The following SCN11A variants were observed in gnomAD, a reference collection of about 807,000 sequenced individuals.
SCN11A encodes the protein sodium channel protein type 11 subunit alpha.
A neutral mutation model predicts 162.2 loss-of-function variants in SCN11A; 122 were observed. The observed-to-expected ratio is 0.75, with a 90% CI of 0.65 to 0.87. The LOEUF (loss-of-function observed/expected upper bound fraction) is 0.87. Ranked by LOEUF, SCN11A falls within the 40% of genes least tolerant of loss-of-function variation. SCN11A has a pLI of 0.00. For missense variants in SCN11A, 2,015 were observed against 2,181.6 expected (o/e 0.92, Z 1.52); for synonymous variants, 758 against 751.5 (o/e 1.01, Z -0.14).
In SCN11A at chr3:38,909,995, T is replaced by A. The variant is rs1437256716; in HGVS notation, c.1101+71A>T. On this transcript the variant is annotated intron_variant, in intron 12 of 29. Coordinates refer to ENST00000302328, the MANE Select transcript of SCN11A (RefSeq NM_001349253.2). ...TATAAATAAATGGTAAATAAATAGG[T>A]AAGTGATAGAGGGGGAAGGAAAAGG... 8 of 1,401,764 alleles carry A rather than the reference T, an allele frequency of 5.7e-6. No homozygotes were observed. The African/African-American group carries it at 1.2e-4, about 21-fold the overall frequency. The allele number at this position is 1,401,764 out of a possible 1,614,324, so 86.8% of individuals were successfully genotyped here.
intron 12 of SCN11A, 39 bp from the exon 13 acceptor site, chr3:38,909,233 C>A (rs757082614): frequency 1.1e-5 from 18 of 1,600,542 alleles, no homozygotes. Context: ...ATCAAACCTT[C>A]TTCCACAGGA....
rs2031489777 is a variant in SCN11A at position 39,022,963 on chromosome 3, A to G, written c.-280+9417T>C. ...CAACAATTGGAAACTTTAACACTAA[A>G]TTTTCGATGAAGTTAAGGAATTACT... is the stretch of plus-strand genomic sequence containing the variant. On this transcript the variant is annotated intron_variant, in intron 2 of 29. Transcript: ENST00000302328. 1.3e-5 allele frequency among the ~76,000 whole-genome samples: 2 copies of G among 152,168 alleles called. 1 individual carries two copies. The highest frequency in any genetic ancestry group is 4.8e-5 in the African/African-American group (2 of 41,434).
chr3:38,950,055 A>ACACCCC, intron 5 of SCN11A, 41 bp downstream of exon 5: 1 of 297,562 alleles, frequency 3.4e-6, no homozygotes, highest in Non-Finnish European at 6.1e-6. Context: ...CATGGTTAGA[A>ACACCCC]CACCCCCACC....
In SCN11A at chr3:38,886,831, G is replaced by A. The variant is rs143428409; in HGVS notation, c.2836-593C>T. 2.6e-5 allele frequency among the ~76,000 whole-genome samples: 4 copies of A among 152,214 alleles called. No homozygotes were observed. In the East Asian group the frequency reaches 7.7e-4, roughly 29 times the overall value. On this transcript the variant is annotated intron_variant, in intron 19 of 29. Transcript: ENST00000302328. Reference sequence around the variant, plus strand: ...AACTGAAAAATAAATTTGTTCTGATGACCTACAGGAATATCTAATAAGGAT... The same window carrying A: ...AACTGAAAAATAAATTTGTTCTGATAACCTACAGGAATATCTAATAAGGAT...
chr3:38,894,391 G>C (rs773410661), intron 19 of SCN11A, 142 bp downstream of exon 19: 73 of 707,844 alleles, frequency 1.0e-4, no homozygotes, highest in Non-Finnish European at 1.7e-4. Flanking sequence ...CCTGTCCTGA[G>C]ATGTGCACAT....
rs778803012 is a variant in SCN11A at position 38,950,151 on chromosome 3, C to T, written c.212G>A (p.Arg71His). 1.9e-6 allele frequency: 3 copies of T among 1,605,986 alleles called. No individual in the cohort carries two copies. Among genetic ancestry groups the T allele is most frequent in the Non-Finnish European group, 2.5e-6 (3 of 1,177,688 alleles). The part of the protein sequence containing the change: ...KLPKLYGDIP[R>H]ELIGKPLEDL... ...TTCCAGAGGCTTTCCTATGAGCTCA[C>T]GAGGAATGTCGCCATAGAGCTTGGG... The change falls in exon 5 of 30, where the codon CGT becomes CAT. Residue 71 changes from arginine (R) to histidine (H), a missense_variant. Arg to His is a conservative substitution (Grantham distance 29). Coordinates refer to ENST00000302328, the MANE Select transcript of SCN11A (RefSeq NM_001349253.2).
At chr3:38,914,601 C>G (rs1175818577) in intron 11 of SCN11A, among the ~76,000 whole-genome samples, 1 of 152,116 alleles carries the variant, frequency 6.6e-6, no homozygotes, top group African/African-American at 2.4e-5. Context: ...TTTCCCCATT[C>G]AGTATGATGT....
intron 2 of SCN11A, among the ~76,000 whole-genome samples, chr3:38,973,524 T>C (rs2066830116): frequency 6.6e-6 from 1 of 152,198 alleles, no homozygotes; most frequent in Non-Finnish European, 1.5e-5. Context: ...AAGAAGAGCC[T>C]AGAATGACAG....
chr3:38,927,711 G>A (rs1399439936), intron 7 of SCN11A, among the ~76,000 whole-genome samples: 1 of 152,202 alleles, frequency 6.6e-6, no homozygotes, highest in East Asian at 1.9e-4. Context: ...ACGGCAGCAG[G>A]AAGGAGAAGA....
chr3:38,971,933 A>G (rs2066819269), intron 2 of SCN11A, among the ~76,000 whole-genome samples: 7 of 152,192 alleles, frequency 4.6e-5, no homozygotes, highest in Admixed American at 4.6e-4. Context: ...AAGCTTAAGG[A>G]AGGCAGGAGG....
intron 2 of SCN11A, among the ~76,000 whole-genome samples, chr3:38,988,228 C>T (rs1395297613): frequency 6.6e-6 from 1 of 152,122 alleles, no homozygotes; most frequent in African/African-American, 2.4e-5. Flanking sequence ...CTGCCCTTAA[C>T]ATCCTTCCAG....
At position 39,045,302 on chromosome 3, in the gene SCN11A, A is replaced by G. The variant is rs185353754; in HGVS notation, c.-404+6559T>C. ...TCCAAACTCATTCTACAACCCCAAC[A>G]CTACCCTAATGCCAAAACCAGGCAA... On this transcript the variant is annotated intron_variant, in intron 1 of 29. Transcript: ENST00000302328. 8.7e-4 allele frequency among the ~76,000 whole-genome samples: 133 copies of G among 152,286 alleles called. 1 individual carries two copies. Among genetic ancestry groups the G allele is most frequent in the African/African-American group, 3.1e-3 (128 of 41,566 alleles).
chr3:38,925,633 C>T, intron 8 of SCN11A, 124 bp from the exon 9 acceptor site: 1 of 654,936 alleles, frequency 1.5e-6, no homozygotes, highest in South Asian at 2.0e-5. Context: ...AATCGACAGC[C>T]TCACCTTTCC....
At chr3:38,899,761 G>T in intron 17 of SCN11A, 133 bp downstream of exon 17, 1 of 665,292 alleles carries the variant, frequency 1.5e-6, no homozygotes, top group Non-Finnish European at 2.6e-6. Context: ...TGCAGGAAGA[G>T]GAGTGCAGTT....
At chr3:38,887,829 G>T (rs1451539245) in intron 19 of SCN11A, among the ~76,000 whole-genome samples, 1 of 152,126 alleles carries the variant, frequency 6.6e-6, no homozygotes, top group Non-Finnish European at 1.5e-5. Context: ...TAACATCTAT[G>T]TGAAGACTCT....
chr3:39,024,155 A>C (rs1357469930), intron 2 of SCN11A, among the ~76,000 whole-genome samples: 3 of 152,368 alleles, frequency 2.0e-5, no homozygotes, highest in Middle Eastern at 3.4e-3. Context: ...AAAGTTTTAC[A>C]TGCTTCAGAA....
At chr3:38,945,552 C>T (rs1014786514) in intron 6 of SCN11A, 40 bp from the exon 7 acceptor site, 1 of 1,398,946 alleles carries the variant, frequency 7.1e-7, no homozygotes. Context: ...TGCAGGATGG[C>T]ATGCATCATT....
At chr3:38,914,167 T>C (rs1032528047) in intron 11 of SCN11A, among the ~76,000 whole-genome samples, 10 of 152,160 alleles carry the variant, frequency 6.6e-5, no homozygotes, top group Non-Finnish European at 1.5e-4. Flanking sequence ...TTTTAATTTC[T>C]TTGAGCAGCA....
At chr3:39,015,621 C>T (rs976947081) in intron 2 of SCN11A, among the ~76,000 whole-genome samples, 8 of 152,120 alleles carry the variant, frequency 5.3e-5, no homozygotes, top group African/African-American at 9.7e-5. Flanking sequence ...CATATATATG[C>T]AAAATTTTTT....
Sources: gnomAD v4.1 joint callset for allele counts (sites outside exome capture counted in the v4.1 genomes callset) on GRCh38, gnomAD v4.1.1 for gene constraint, MANE v1.5 for transcripts, NCBI Gene and HGNC (gene_info 2026-07-23, HGNC 2026-07-21) for gene names.